The following NPTN variants were observed in gnomAD, a reference collection of about 807,000 sequenced individuals.
NPTN encodes neuroplastin.
In NPTN, 5 loss-of-function variants were observed where a neutral mutation model predicts 42.7. The ratio of observed to expected loss-of-function variants is 0.12; its 90% CI spans 0.06 to 0.25. The LOEUF is 0.25. Ranked by LOEUF, NPTN falls within the 10% of genes least tolerant of loss-of-function variation. NPTN has a pLI of 1.00. For missense variants in NPTN, 307 were observed against 525.4 expected (o/e 0.58, Z 4.06); for synonymous variants, 180 against 201.9 (o/e 0.89, Z 0.92).
At chr15:73,601,786 AG>A (rs1897094631) in intron 1 of NPTN, among the ~76,000 whole-genome samples, 1 of 152,238 alleles carries the variant, frequency 6.6e-6, no homozygotes. Context: ...TCAGAGCAAC[AG>A]TGATAAAGAG....
intron 1 of NPTN, chr15:73,632,795 CA>C (rs1419366402): frequency 7.3e-6 from 2 of 274,560 alleles, no homozygotes; most frequent in East Asian, 6.3e-5. Context: ...GCCCCCTCCT[CA>C]TCCGCCCCCG....
rs1175226899 is a variant in NPTN, at chr15:73,569,740, G to A, written c.1114+410C>T. On this transcript the variant is annotated intron_variant, in intron 6 of 8. Coordinates refer to ENST00000345330, the MANE Select transcript of NPTN (RefSeq NM_012428.4). The surrounding 1 kb of genome is among the most constrained non-coding windows in gnomAD (Gnocchi z 4.1). Reference sequence around the variant, plus strand: ...TTAAATCTGCCTGAAAGGCCAGGTGGCCTGCCATCTTGGGGTGGCTTCTAG... The same window carrying A: ...TTAAATCTGCCTGAAAGGCCAGGTGACCTGCCATCTTGGGGTGGCTTCTAG... 2 of 985,226 alleles carry A rather than the reference G, an allele frequency of 2.0e-6. No individual in the cohort carries two copies. Among genetic ancestry groups the A allele is most frequent in the African/African-American group, 3.5e-5 (2 of 57,224 alleles). 61.0% of individuals were successfully genotyped at this position (985,226 alleles called of 1,614,324 possible).
chr15:73,593,909 T>C (rs1896712877), intron 2 of NPTN, among the ~76,000 whole-genome samples: 1 of 152,106 alleles, frequency 6.6e-6, no homozygotes, highest in Non-Finnish European at 1.5e-5. Flanking sequence ...TCCCATGGTT[T>C]CCAAGACACA....
chr15:73,591,321 G>A (rs1896577252), intron 3 of NPTN, among the ~76,000 whole-genome samples: 1 of 152,166 alleles, frequency 6.6e-6, no homozygotes, highest in Non-Finnish European at 1.5e-5. Context: ...CCTTCAACCA[G>A]GAACAAACTA....
intron 1 of NPTN, among the ~76,000 whole-genome samples, chr15:73,628,893 T>C (rs1898577339): frequency 6.6e-6 from 1 of 152,184 alleles, no homozygotes; most frequent in Non-Finnish European, 1.5e-5. Context: ...GAAAAAACAA[T>C]GGGATTCCCT....
intron 1 of NPTN, among the ~76,000 whole-genome samples, chr15:73,602,317 C>T (rs1210173250): frequency 6.6e-6 from 1 of 152,186 alleles, no homozygotes; most frequent in Admixed American, 6.5e-5. Context: ...ACCTCTAATT[C>T]CCTGTGGCTG....
intron 1 of NPTN, among the ~76,000 whole-genome samples, chr15:73,612,920 C>A (rs911805398): frequency 2.0e-5 from 3 of 152,136 alleles, no homozygotes; most frequent in Non-Finnish European, 4.4e-5. Context: ...GTTAAATGCC[C>A]AGGAGAATAA....
In NPTN at chr15:73,594,267, A is replaced by C. The variant is rs371850987; in HGVS notation, c.440-2130T>G. On this transcript the variant is annotated intron_variant, in intron 2 of 8. Transcript: ENST00000345330. The stretch of plus-strand genomic sequence containing the variant: ...TGAGGCCAAGAGCTTCCAGATGTTT[A>C]AATACAAGGAGGCCAAAGTAAATGC... Among the ~76,000 whole-genome samples, 8 of 152,332 alleles carry C rather than the reference A, an allele frequency of 5.3e-5. No homozygotes were observed. In the South Asian group the frequency reaches 1.2e-3, roughly 24 times the overall value.
At chr15:73,565,771 G>A (rs1229171376) in intron 6 of NPTN, 7 of 456,344 alleles carry the variant, frequency 1.5e-5, no homozygotes, top group South Asian at 1.5e-5. Flanking sequence ...TGAAGTTACC[G>A]GTGGAACTGT....
In NPTN at chr15:73,569,059, G is replaced by A; in HGVS notation, c.1114+1091C>T. On this transcript the variant is annotated intron_variant, in intron 6 of 8. Transcript: ENST00000345330. This position sits in a 1 kb window ranked among gnomAD's most constrained non-coding sequence, Gnocchi z 4.1. Reference sequence around the variant, plus strand: ...CAGCACCACAGGTGCACAAACACAGGCCCCAGAACAGCTGGACTACAGCTG... The same window carrying A: ...CAGCACCACAGGTGCACAAACACAGACCCCAGAACAGCTGGACTACAGCTG... 1.0e-6 allele frequency: 1 copy of A among 985,548 alleles called. No individual in the cohort carries two copies. The allele number at this position is 985,548 out of a possible 1,614,324, so 61.1% of individuals were successfully genotyped here. A position where few individuals can be genotyped will look rare whatever the true frequency, so the allele number is the denominator to read the frequency against.
Position 73,573,682 on chromosome 15 carries a change from T to C in NPTN, c.820A>G (p.Lys274Glu). 1 of 1,584,690 alleles carries C rather than the reference T, an allele frequency of 6.3e-7. No homozygotes were observed. The highest frequency in any genetic ancestry group is 8.6e-7 in the Non-Finnish European group (1 of 1,168,066). Reference sequence around the variant, plus strand: ...CTCACCATGGGCATCCCGTTCTCCTTCTTGCGCCATATCCAGTCTGGGTGG... The same window carrying C: ...CTCACCATGGGCATCCCGTTCTCCTCCTTGCGCCATATCCAGTCTGGGTGG... ...YPHPDWIWRK[K>E]ENGMPMDIVN... The change falls in exon 5 of 9, where the codon AAG (lysine) becomes GAG (glutamate). Residue 274 changes from lysine to glutamate, a missense_variant. Lys to Glu is a moderately conservative substitution (Grantham distance 56, BLOSUM62 1). This residue lies in a region of NPTN where 264 missense variants were observed against 491.1 expected (regional missense o/e 0.54). Transcript: ENST00000345330.
At chr15:73,579,148 G>A (rs903307574) in intron 4 of NPTN, among the ~76,000 whole-genome samples, 5 of 146,050 alleles carry the variant, frequency 3.4e-5, no homozygotes, top group South Asian at 2.2e-4. Flanking sequence ...GCACGGTGGC[G>A]GGAGCCTGTT....
Position 73,570,361 on chromosome 15 carries a change from G to A in NPTN, c.903C>T (p.Asn301=). The A allele has an allele frequency of 2.5e-6, 4 of 1,614,018 alleles. No individual in the cohort carries two copies. Among genetic ancestry groups the A allele is most frequent in the Non-Finnish European group, 3.4e-6 (4 of 1,180,008 alleles). The change falls in exon 6 of 9, where the codon AAC becomes AAT. Residue 301 remains asparagine (N), a synonymous_variant. Transcript: ENST00000345330. The surrounding 1 kb of genome is among the most constrained non-coding windows in gnomAD (Gnocchi z 4.0). ...IINKENYTEL[N]IVNLQITEDP... ...CTTCCGTGATCTGCAGGTTCACAATGTTCAACTCAGTGTAATTTTCCTTGT... is the reference window on the plus strand; with the variant it reads ...CTTCCGTGATCTGCAGGTTCACAATATTCAACTCAGTGTAATTTTCCTTGT...
intron 1 of NPTN, among the ~76,000 whole-genome samples, chr15:73,625,491 CT>C (rs1162653959): frequency 2.6e-5 from 4 of 152,142 alleles, no homozygotes; most frequent in East Asian, 1.9e-4. Context: ...GCGACCACCC[CT>C]GGCTGATTTT....
intron 1 of NPTN, among the ~76,000 whole-genome samples, chr15:73,605,037 G>A (rs1192255833): frequency 6.7e-6 from 1 of 149,758 alleles, no homozygotes; most frequent in African/African-American, 2.5e-5. Flanking sequence ...GGTTGAGGCT[G>A]CAGTGAGCTA....
chr15:73,618,868 A>G (rs571696098), intron 1 of NPTN, among the ~76,000 whole-genome samples: 37 of 152,002 alleles, frequency 2.4e-4, no homozygotes, highest in Non-Finnish European at 3.7e-4. Context: ...TCCCTGGGCA[A>G]CAGAGTGAGA....
At chr15:73,580,491 A>AT in intron 4 of NPTN, among the ~76,000 whole-genome samples, 16 of 135,356 alleles carry the variant, frequency 1.2e-4, no homozygotes, top group African/African-American at 4.7e-4. Flanking sequence ...AAATATATAT[A>AT]TACATAAATA....
Position 73,569,119 on chromosome 15 carries a change from G to A in NPTN, c.1114+1031C>T. The A allele has an allele frequency of 4.1e-6, 4 of 985,658 alleles. No homozygotes were observed. Among genetic ancestry groups the A allele is most frequent in the Non-Finnish European group, 4.8e-6 (4 of 830,110 alleles). The allele number at this position is 985,658 out of a possible 1,614,324, so 61.1% of individuals were successfully genotyped here. A position where few individuals can be genotyped will look rare whatever the true frequency, so the allele number is the denominator to read the frequency against. On this transcript the variant is annotated intron_variant, in intron 6 of 8. Coordinates refer to ENST00000345330, the MANE Select transcript of NPTN (RefSeq NM_012428.4). The surrounding 1 kb of genome is among the most constrained non-coding windows in gnomAD (Gnocchi z 4.1). ...CCATCACCCCGGGTAGGCTACCACT[G>A]AGCCCAGGGGCACACCCATCTGTCT...
At chr15:73,568,580 G>GA (rs1238309015) in intron 6 of NPTN, 2 of 985,312 alleles carry the variant, frequency 2.0e-6, no homozygotes, top group Non-Finnish European at 2.4e-6. Context: ...TATGTAGCAG[G>GA]AAAGAAATAC....
Sources: allele counts gnomAD v4.1 joint callset (sites outside exome capture counted in the v4.1 genomes callset), GRCh38; gene constraint gnomAD v4.1.1; regional missense constraint gnomAD v4.1.1; non-coding constraint Gnocchi (gnomAD v3.1); transcripts MANE v1.5; gene names NCBI Gene and HGNC (gene_info 2026-07-23, HGNC 2026-07-21).